RBFOX3: variants seen among roughly 807,000 people sequenced by gnomAD.
RBFOX3 encodes the protein RNA binding fox-1 homolog 3.
A neutral mutation model predicts 48.7 loss-of-function variants in RBFOX3; 17 were observed. That is an observed-to-expected ratio of 0.35 (90% CI 0.24 to 0.52). RBFOX3 has a LOEUF of 0.52. Ranked by LOEUF, RBFOX3 falls within the 20% of genes least tolerant of loss-of-function variation. The probability of loss-of-function intolerance (pLI) is 0.94; values close to 1 mark genes in which losing one functional copy is unlikely to be tolerated. For missense variants in RBFOX3, 382 were observed against 497.5 expected, an observed-to-expected ratio of 0.77 and a Z score of 2.21; for synonymous variants, 212 against 209.5, an observed-to-expected ratio of 1.01 and a Z score of -0.10.
At chr17:79,439,134 G>A (rs1284427831) in intron 2 of RBFOX3, among the ~76,000 whole-genome samples, 1 of 152,208 alleles carries the variant, frequency 6.6e-6, no homozygotes, top group Non-Finnish European at 1.5e-5. Flanking sequence ...ATAAATAGCA[G>A]GAATAAAACC....
At chr17:79,438,796 A>C (rs1364787159) in intron 2 of RBFOX3, among the ~76,000 whole-genome samples, 4 of 152,214 alleles carry the variant, frequency 2.6e-5, no homozygotes, top group African/African-American at 4.8e-5. Flanking sequence ...AGAAGGGAGG[A>C]GTGCCCCCGA....
intron 2 of RBFOX3, among the ~76,000 whole-genome samples, chr17:79,371,961 G>A (rs1301788007): frequency 2.0e-5 from 3 of 152,154 alleles, no homozygotes; most frequent in Non-Finnish European, 2.9e-5. Context: ...GAGAGGTGCA[G>A]AGCAACCACA....
chr17:79,361,249 C>T lies in RBFOX3; in HGVS notation c.-174-53425G>A, dbSNP rs374622540. On this transcript the variant is annotated intron_variant, in intron 2 of 14. Transcript: ENST00000693108. The surrounding 1 kb of genome is among the most constrained non-coding windows in gnomAD (Gnocchi z 4.5). ...ATCCCATCCTCGGCTTGCCACTGCCCGACCTGGCCTCTTCCCTCTCCCCAG... is the reference window on the plus strand; with the variant it reads ...ATCCCATCCTCGGCTTGCCACTGCCTGACCTGGCCTCTTCCCTCTCCCCAG... Among the ~76,000 whole-genome samples, 6 of 152,294 alleles carry T rather than the reference C, an allele frequency of 3.9e-5. No homozygotes were observed. The highest frequency in any genetic ancestry group is 6.5e-5 in the Admixed American group (1 of 15,298).
chr17:79,270,171 C>T (rs996305095), intron 3 of RBFOX3, among the ~76,000 whole-genome samples: 1 of 152,160 alleles, frequency 6.6e-6, no homozygotes, highest in Non-Finnish European at 1.5e-5. Context: ...TGTCAGTTTC[C>T]ATGGAGGAGC....
chr17:79,342,214 G>T (rs1335310088), intron 2 of RBFOX3, among the ~76,000 whole-genome samples: 1 of 152,234 alleles, frequency 6.6e-6, no homozygotes, highest in East Asian at 1.9e-4. Context: ...TATTTTTCAG[G>T]CCTGGTGAAT....
intron 1 of RBFOX3, among the ~76,000 whole-genome samples, chr17:79,596,824 G>C (rs1162553792): frequency 6.6e-6 from 1 of 152,194 alleles, no homozygotes; most frequent in South Asian, 2.1e-4. Context: ...GGCCCAGAGG[G>C]AGGCTTTGTG....
chr17:79,562,305 G>A (rs1387237825), intron 1 of RBFOX3, among the ~76,000 whole-genome samples: 1 of 152,130 alleles, frequency 6.6e-6, no homozygotes, highest in Non-Finnish European at 1.5e-5. Context: ...GTGCCTCTAG[G>A]GCCAGAGTCC....
At chr17:79,300,553 C>T (rs914469657) in intron 3 of RBFOX3, among the ~76,000 whole-genome samples, 7 of 152,302 alleles carry the variant, frequency 4.6e-5, no homozygotes, top group South Asian at 4.1e-4. Context: ...TAAGCTTAAA[C>T]GTGAACAACA....
At chr17:79,250,991 T>G (rs1194009123) in intron 3 of RBFOX3, among the ~76,000 whole-genome samples, 5 of 152,068 alleles carry the variant, frequency 3.3e-5, no homozygotes, top group African/African-American at 1.2e-4. Flanking sequence ...GTATTTTTAG[T>G]AGAGACGGGG....
chr17:79,173,065 C>G (rs2049706941), intron 4 of RBFOX3, among the ~76,000 whole-genome samples: 1 of 152,136 alleles, frequency 6.6e-6, no homozygotes, highest in African/African-American at 2.4e-5. Context: ...AAGAAATTAG[C>G]CGGGTGTGGT....
intron 4 of RBFOX3, chr17:79,183,523 G>C (rs1461455548): frequency 6.6e-6 from 1 of 152,150 alleles, no homozygotes; most frequent in Non-Finnish European, 1.5e-5. Context: ...GGGAGGCATC[G>C]AAAGGAGAGC....
rs1434554219 is a variant in RBFOX3, at chr17:79,252,646, C to T, written c.-73-16841G>A. 6.6e-6 allele frequency among the ~76,000 whole-genome samples: 1 copy of T among 152,192 alleles called. No individual in the cohort carries two copies. The highest frequency in any genetic ancestry group is 2.1e-4 in the South Asian group (1 of 4,830). ...GAACTGCAAGGCCACCCATCCAGCT[C>T]GTTTCAAGCCGCTACGTTTGTTTGC... On this transcript the variant is annotated intron_variant, in intron 3 of 14. Coordinates refer to ENST00000693108, the MANE Select transcript of RBFOX3 (RefSeq NM_001350451.2). The surrounding 1 kb of genome is among the most constrained non-coding windows in gnomAD (Gnocchi z 4.0).
At chr17:79,366,351 T>G (rs2057748560) in intron 2 of RBFOX3, among the ~76,000 whole-genome samples, 1 of 152,240 alleles carries the variant, frequency 6.6e-6, no homozygotes, top group South Asian at 2.1e-4. Flanking sequence ...CTGCAGACCG[T>G]GGCTGTCTCT....
At chr17:79,565,282 A>G (rs1384160289) in intron 1 of RBFOX3, among the ~76,000 whole-genome samples, 2 of 151,924 alleles carry the variant, frequency 1.3e-5, no homozygotes, top group Non-Finnish European at 2.9e-5. Context: ...GCAAAGAGAC[A>G]CTATTTACTA....
Position 79,569,549 on chromosome 17 carries a change from T to C in RBFOX3, c.-320+41277A>G, listed in dbSNP as rs897567512. 2.6e-5 allele frequency among the ~76,000 whole-genome samples: 4 copies of C among 152,370 alleles called. No individual in the cohort carries two copies. The South Asian group carries it at 8.3e-4, about 32-fold the overall frequency. On this transcript the variant is annotated intron_variant, in intron 1 of 14. Coordinates refer to ENST00000693108, the MANE Select transcript of RBFOX3 (RefSeq NM_001350451.2). Reference sequence around the variant, plus strand: ...GATGCAGTGAACATTGGCATACAAGTATCTGTGTCCTTGTTTTCAATTCCT... The same window carrying C: ...GATGCAGTGAACATTGGCATACAAGCATCTGTGTCCTTGTTTTCAATTCCT...
intron 1 of RBFOX3, among the ~76,000 whole-genome samples, chr17:79,485,154 G>C (rs1163580965): frequency 6.6e-6 from 1 of 152,142 alleles, no homozygotes; most frequent in Non-Finnish European, 1.5e-5. Context: ...GAGGCGGGCT[G>C]TCTGCCGGGG....
At chr17:79,620,980 GT>G in the RBFOX3 span, among the ~76,000 whole-genome samples, 1 of 144,838 alleles carries the variant, frequency 6.9e-6, no homozygotes, top group Non-Finnish European at 1.5e-5. Context: ...TCTTACTCCT[GT>G]TAAAGTTAAT....
At chr17:79,414,448 AGCGTGTATTTCCATAT>A (rs1200523890) in intron 2 of RBFOX3, among the ~76,000 whole-genome samples, 3 of 152,148 alleles carry the variant, frequency 2.0e-5, no homozygotes, top group African/African-American at 7.2e-5. Context: ...AAAGCCCCTC[AGCGTGTATTTCCATAT>A]GCAAATGCGG....
intron 4 of RBFOX3, among the ~76,000 whole-genome samples, chr17:79,164,586 T>C (rs2047621923): frequency 6.6e-6 from 1 of 152,162 alleles, no homozygotes; most frequent in Non-Finnish European, 1.5e-5. Flanking sequence ...TGGCCCTTGG[T>C]GGGAGGCCCA....
Sources: gnomAD v4.1 joint callset for allele counts (sites outside exome capture counted in the v4.1 genomes callset) on GRCh38, gnomAD v4.1.1 for gene constraint, Gnocchi (gnomAD v3.1) non-coding constraint, MANE v1.5 for transcripts, NCBI Gene and HGNC (gene_info 2026-07-23, HGNC 2026-07-21) for gene names.